The following CACNA2D3 variants were observed in gnomAD, a reference collection of about 807,000 sequenced individuals.
The protein encoded by CACNA2D3 is voltage-dependent calcium channel subunit alpha-2/delta-3.
In CACNA2D3, 60 loss-of-function variants were observed where a neutral mutation model predicts 160.6. The observed-to-expected ratio is 0.37, with a 90% CI of 0.30 to 0.46. CACNA2D3 has a LOEUF of 0.46. Among genes scored for constraint, CACNA2D3 ranks in the 20% least tolerant of loss-of-function variants. The pLI is 1.00. For missense variants in CACNA2D3, 1,205 were observed against 1,365.0 expected, an observed-to-expected ratio of 0.88 and a Z score of 1.85; for synonymous variants, 558 against 492.9, an observed-to-expected ratio of 1.13 and a Z score of -1.75.
chr3:54,871,211 ACACACACACACACC>A (rs1370913855), intron 17 of CACNA2D3, among the ~76,000 whole-genome samples: 2 of 112,494 alleles, frequency 1.8e-5, no homozygotes, highest in African/African-American at 3.3e-5. Flanking sequence ...ACACACACAC[ACACACACACACACC>A]CCCCATTCAA....
At chr3:54,836,214 C>CTT (rs763110798) in intron 14 of CACNA2D3, among the ~76,000 whole-genome samples, 18 of 97,998 alleles carry the variant, frequency 1.8e-4, no homozygotes, top group African/African-American at 5.0e-4. Context: ...AAGGGCCATT[C>CTT]TTTTTTTTTT....
At chr3:55,060,579 G>C (rs528163006) in intron 35 of CACNA2D3, among the ~76,000 whole-genome samples, 1 of 152,240 alleles carries the variant, frequency 6.6e-6, no homozygotes, top group Admixed American at 6.5e-5. Context: ...GATTAAAGGG[G>C]AACTGCTTAG....
chr3:54,460,011 C>T (rs1361333011), intron 4 of CACNA2D3, among the ~76,000 whole-genome samples: 1 of 152,048 alleles, frequency 6.6e-6, no homozygotes, highest in Non-Finnish European at 1.5e-5. Context: ...GTTTTCCCAG[C>T]ACCATTTATT....
At chr3:54,852,526 A>C (rs193077274) in intron 17 of CACNA2D3, among the ~76,000 whole-genome samples, 147 of 152,266 alleles carry the variant, frequency 9.7e-4, no homozygotes, top group Non-Finnish European at 1.7e-3. Flanking sequence ...TTCCACCACC[A>C]GCTCTCCACA....
At chr3:54,954,630 A>C (rs972401273) in intron 27 of CACNA2D3, among the ~76,000 whole-genome samples, 9 of 152,180 alleles carry the variant, frequency 5.9e-5, no homozygotes, top group African/African-American at 2.2e-4. Context: ...TGGAGAAGAC[A>C]GGGTGCAGAG....
intron 13 of CACNA2D3, among the ~76,000 whole-genome samples, chr3:54,768,448 G>A (rs1398955629): frequency 6.6e-6 from 1 of 152,076 alleles, no homozygotes; most frequent in Non-Finnish European, 1.5e-5. Context: ...CACTTAAATC[G>A]GTTGTTGTAT....
intron 35 of CACNA2D3, among the ~76,000 whole-genome samples, chr3:55,024,399 C>A (rs538262272): frequency 1.3e-5 from 2 of 152,096 alleles, no homozygotes; most frequent in South Asian, 4.2e-4. Flanking sequence ...GGTGTCCCCC[C>A]AAAATCTACT....
Position 54,219,935 on chromosome 3 carries a change from G to A in CACNA2D3, c.204+96341G>A, listed in dbSNP as rs1186965548. On this transcript the variant is annotated intron_variant, in intron 2 of 37. Coordinates refer to ENST00000474759, the MANE Select transcript of CACNA2D3 (RefSeq NM_018398.3). ...ACTACTATCTTTCCTTACTAACCGA[G>A]AGATACTTGTAGAATAAATATTCAA... Among the ~76,000 whole-genome samples, 4 of 152,128 alleles carry A rather than the reference G, an allele frequency of 2.6e-5. No homozygotes were observed. The East Asian group carries it at 7.7e-4, about 29-fold the overall frequency.
chr3:54,723,458 C>G (rs1701214236), intron 11 of CACNA2D3, among the ~76,000 whole-genome samples: 1 of 152,322 alleles, frequency 6.6e-6, no homozygotes, highest in East Asian at 1.9e-4. Context: ...ACTCCTACAG[C>G]TAGTTCGGTG....
intron 4 of CACNA2D3, among the ~76,000 whole-genome samples, chr3:54,496,368 GA>G: frequency 6.6e-6 from 1 of 152,254 alleles, no homozygotes; most frequent in East Asian, 1.9e-4. Context: ...AATGGCATCT[GA>G]TTGGAGTTTT....
chr3:54,466,512 G>T (rs1021714091), intron 4 of CACNA2D3, among the ~76,000 whole-genome samples: 1 of 152,130 alleles, frequency 6.6e-6, no homozygotes, highest in Non-Finnish European at 1.5e-5. Flanking sequence ...GCTGATCCGA[G>T]CCAAGTTTTT....
intron 4 of CACNA2D3, among the ~76,000 whole-genome samples, chr3:54,400,605 G>T (rs894098172): frequency 6.6e-6 from 1 of 152,194 alleles, no homozygotes; most frequent in Non-Finnish European, 1.5e-5. Flanking sequence ...CTACAGCCTA[G>T]TCTACCAGAC....
intron 25 of CACNA2D3, chr3:54,894,607 A>C (rs778238419): frequency 5.8e-6 from 3 of 516,556 alleles, no homozygotes; most frequent in Non-Finnish European, 1.2e-5. Flanking sequence ...TGACCACTGA[A>C]CAGACCTGCT....
intron 13 of CACNA2D3, among the ~76,000 whole-genome samples, chr3:54,773,184 G>C (rs1702351163): frequency 6.6e-6 from 1 of 152,212 alleles, no homozygotes; most frequent in African/African-American, 2.4e-5. Context: ...CTATGCATTT[G>C]ATAAATTGCA....
At chr3:54,957,166 CTT>C (rs57778359) in intron 27 of CACNA2D3, among the ~76,000 whole-genome samples, 80 of 148,718 alleles carry the variant, frequency 5.4e-4, no homozygotes, top group African/African-American at 7.5e-4. Context: ...AAATAATTTT[CTT>C]TTTTTTTTTT....
chr3:54,581,764 C>T, intron 8 of CACNA2D3, 39 bp from the exon 9 acceptor site: 1 of 1,530,342 alleles, frequency 6.5e-7, no homozygotes, highest in East Asian at 2.3e-5. Flanking sequence ...CCTTCAATTC[C>T]TTAATTAAGT....
chr3:54,840,403 C>CTT (rs1174129020), intron 16 of CACNA2D3, among the ~76,000 whole-genome samples: 1,121 of 73,486 alleles, frequency 0.015, 11 homozygotes, highest in South Asian at 0.021. Context: ...AGAACCATGT[C>CTT]TTTTTTTTTT....
intron 4 of CACNA2D3, among the ~76,000 whole-genome samples, chr3:54,461,938 A>T (rs1047749855): frequency 6.6e-6 from 1 of 152,158 alleles, no homozygotes; most frequent in Non-Finnish European, 1.5e-5. Flanking sequence ...CCCTCTACAC[A>T]CTGCTTTGAA....
At chr3:54,819,226 T>G (rs904627088) in intron 14 of CACNA2D3, among the ~76,000 whole-genome samples, 2 of 152,232 alleles carry the variant, frequency 1.3e-5, no homozygotes, top group Non-Finnish European at 2.9e-5. Flanking sequence ...CATGGGTAAG[T>G]TACTTAACCT....
Sources: gnomAD v4.1 joint callset for allele counts (sites outside exome capture counted in the v4.1 genomes callset) on GRCh38, gnomAD v4.1.1 for gene constraint, MANE v1.5 for transcripts, NCBI Gene and HGNC (gene_info 2026-07-23, HGNC 2026-07-21) for gene names.